The following AUTS2 variants were observed in gnomAD, a reference collection of about 807,000 sequenced individuals.
AUTS2 encodes the protein activator of transcription and developmental regulator AUTS2, also known as autism susceptibility gene 2 protein.
Under a neutral mutation model 112.4 loss-of-function variants are expected in AUTS2, and 17 were observed. The ratio of observed to expected loss-of-function variants is 0.15; its 90% CI spans 0.10 to 0.23. The LOEUF is 0.23. Among genes scored for constraint, AUTS2 ranks in the 10% least tolerant of loss-of-function variants. The pLI is 1.00. For synonymous variants in AUTS2, 751 were observed against 702.7 expected, an observed-to-expected ratio of 1.07 and a Z score of -1.09; for missense variants, 1,510 against 1,701.6, an observed-to-expected ratio of 0.89 and a Z score of 1.98.
At chr7:70,654,439 T>G (rs889889896) in intron 5 of AUTS2, among the ~76,000 whole-genome samples, 3 of 152,204 alleles carry the variant, frequency 2.0e-5, no homozygotes, top group Non-Finnish European at 4.4e-5. Flanking sequence ...CACATTGGGC[T>G]TAATGAGCTG....
chr7:69,692,824 T>C (rs1797404683), intron 1 of AUTS2, among the ~76,000 whole-genome samples: 1 of 152,236 alleles, frequency 6.6e-6, no homozygotes, highest in Non-Finnish European at 1.5e-5. Context: ...CTCAAGCACA[T>C]AATTTTAGCC....
chr7:70,384,095 C>T (rs994705852), intron 4 of AUTS2, among the ~76,000 whole-genome samples: 8 of 152,214 alleles, frequency 5.3e-5, no homozygotes, highest in Admixed American at 4.6e-4. Context: ...TGAAGCTTGA[C>T]GGGAACATCC....
chr7:69,796,283 C>T (rs552982354), intron 1 of AUTS2, among the ~76,000 whole-genome samples: 1 of 152,184 alleles, frequency 6.6e-6, no homozygotes, highest in African/African-American at 2.4e-5. Flanking sequence ...TTTGGGAGGC[C>T]GAAGTGGGAG....
chr7:70,739,475 C>T (rs1406744383), intron 6 of AUTS2, among the ~76,000 whole-genome samples: 1 of 145,118 alleles, frequency 6.9e-6, no homozygotes, highest in South Asian at 2.3e-4. Context: ...CCACTGTGCC[C>T]AGTCACATTT....
intron 5 of AUTS2, among the ~76,000 whole-genome samples, chr7:70,483,009 A>G (rs1234168737): frequency 6.6e-6 from 1 of 152,118 alleles, no homozygotes; most frequent in Non-Finnish European, 1.5e-5. Flanking sequence ...TGAGTTTTTT[A>G]TATGAAATCT....
chr7:69,829,924 G>A (rs1791422391), intron 1 of AUTS2, among the ~76,000 whole-genome samples: 1 of 152,062 alleles, frequency 6.6e-6, no homozygotes, highest in South Asian at 2.1e-4. Flanking sequence ...CTACTATAAA[G>A]ACACATGCAC....
At position 70,785,939 on chromosome 7, in the gene AUTS2, C is replaced by T. The variant is rs1791435792; in HGVS notation, c.2225-16C>T. On this transcript the variant is annotated splice_polypyrimidine_tract_variant and intron_variant, in intron 16 of 18. Coordinates refer to ENST00000342771, the MANE Select transcript of AUTS2 (RefSeq NM_015570.4). ...AGAGCCCCTGACCATTTCCTTCTTC[C>T]CCATCTTGTTTGCAGAGCCTTTTAA... 1.2e-6 allele frequency: 2 copies of T among 1,613,078 alleles called. No homozygotes were observed. The highest frequency in any genetic ancestry group is 2.2e-5 in the South Asian group (2 of 91,034).
At chr7:70,004,317 T>G (rs1241570717) in intron 2 of AUTS2, among the ~76,000 whole-genome samples, 1 of 134,550 alleles carries the variant, frequency 7.4e-6, no homozygotes, top group African/African-American at 2.7e-5. Context: ...CTATATATTA[T>G]ATATATAATA....
At chr7:70,446,686 TAC>T (rs1202440528) in intron 5 of AUTS2, among the ~76,000 whole-genome samples, 5 of 152,188 alleles carry the variant, frequency 3.3e-5, no homozygotes, top group African/African-American at 1.2e-4. Context: ...ATGACCGCAC[TAC>T]AGAGTGCATT....
chr7:69,958,225 T>G (rs776101229), intron 2 of AUTS2, among the ~76,000 whole-genome samples: 1 of 152,170 alleles, frequency 6.6e-6, no homozygotes, highest in Non-Finnish European at 1.5e-5. Context: ...GGAACATACC[T>G]GTACCCCTTG....
At chr7:70,444,788 C>T (rs1171134336) in intron 5 of AUTS2, among the ~76,000 whole-genome samples, 1 of 152,110 alleles carries the variant, frequency 6.6e-6, no homozygotes, top group Non-Finnish European at 1.5e-5. Flanking sequence ...CATATACTTA[C>T]GGAGACAGCC....
chr7:70,601,998 A>G (rs1045092496), intron 5 of AUTS2, among the ~76,000 whole-genome samples: 12 of 152,264 alleles, frequency 7.9e-5, no homozygotes, highest in African/African-American at 2.4e-4. Context: ...CCCTATTAGC[A>G]GATCCTCATG....
chr7:70,496,782 GA>G (rs1798548507), intron 5 of AUTS2, among the ~76,000 whole-genome samples: 9 of 65,628 alleles, frequency 1.4e-4, no homozygotes, highest in East Asian at 4.4e-4. Context: ...TACACAGTCA[GA>G]CACACACACA....
intron 4 of AUTS2, among the ~76,000 whole-genome samples, chr7:70,170,971 T>TG (rs1491260541): frequency 6.6e-6 from 1 of 152,144 alleles, no homozygotes; most frequent in African/African-American, 2.4e-5. Context: ...TCTAAATGAC[T>TG]GGGGGAAAAG....
rs139265289 is a variant in AUTS2, at chr7:70,266,520, G to A, written c.660+131949G>A. ...AAATGGTTAAAATGATACATTTTATGTTGCATAAAAGAACATTTAAAAAAA... is the reference window on the plus strand; with the variant it reads ...AAATGGTTAAAATGATACATTTTATATTGCATAAAAGAACATTTAAAAAAA... On this transcript the variant is annotated intron_variant, in intron 4 of 18. Coordinates refer to ENST00000342771, the MANE Select transcript of AUTS2 (RefSeq NM_015570.4). Among the ~76,000 whole-genome samples, 5 of 152,208 alleles carry A rather than the reference G, an allele frequency of 3.3e-5. No individual in the cohort carries two copies. In the East Asian group the frequency reaches 7.7e-4, roughly 24 times the overall value.
intron 4 of AUTS2, among the ~76,000 whole-genome samples, chr7:70,365,379 A>AG (rs1295008918): frequency 6.6e-6 from 1 of 152,246 alleles, no homozygotes; most frequent in East Asian, 1.9e-4. Context: ...AGGGAAATAA[A>AG]GCTCAAGCTC....
chr7:70,452,132 T>C (rs1268058014), intron 5 of AUTS2, among the ~76,000 whole-genome samples: 1 of 152,178 alleles, frequency 6.6e-6, no homozygotes, highest in Non-Finnish European at 1.5e-5. Context: ...TTGTTGTTGT[T>C]GTTGTTTTTC....
intron 5 of AUTS2, among the ~76,000 whole-genome samples, chr7:70,650,614 G>A (rs1806452076): frequency 6.6e-6 from 1 of 152,200 alleles, no homozygotes; most frequent in African/African-American, 2.4e-5. Flanking sequence ...TCAAATGTGT[G>A]AAGTCAGACA....
At chr7:70,357,472 T>C (rs556372713) in intron 4 of AUTS2, among the ~76,000 whole-genome samples, 93 of 152,318 alleles carry the variant, frequency 6.1e-4, no homozygotes, top group African/African-American at 1.8e-3. Flanking sequence ...ATTGTTCTTA[T>C]GTCTCATAGT....
Sources: gnomAD v4.1 joint callset for allele counts (sites outside exome capture counted in the v4.1 genomes callset) on GRCh38, gnomAD v4.1.1 for gene constraint, MANE v1.5 for transcripts, NCBI Gene and HGNC (gene_info 2026-07-23, HGNC 2026-07-21) for gene names.